Variants in AK9 observed in about 807,000 individuals in gnomAD.
AK9 encodes the protein adenylate kinase domain containing 1.
AK9 carries 191 observed loss-of-function variants against 239.6 expected under a neutral mutation model. The ratio of observed to expected loss-of-function variants is 0.80; its 90% confidence interval spans 0.71 to 0.90. AK9 has a LOEUF of 0.90. Among genes scored for constraint, AK9 ranks in the 40% least tolerant of loss-of-function variants. AK9 has a pLI of 0.00. For synonymous variants in AK9, 689 were observed against 721.0 expected (o/e 0.96, Z 0.71); for missense variants, 1,995 against 2,214.7 (o/e 0.90, Z 1.99).
At chr6:109,638,786 T>C (rs1436467711) in intron 10 of AK9, among the ~76,000 whole-genome samples, 1 of 152,234 alleles carries the variant, frequency 6.6e-6, no homozygotes, top group Non-Finnish European at 1.5e-5. Flanking sequence ...TTTCTCCTAA[T>C]GCTATCCCTC....
At chr6:109,590,834 G>C (rs1348485726) in intron 17 of AK9, among the ~76,000 whole-genome samples, 1 of 151,992 alleles carries the variant, frequency 6.6e-6, no homozygotes, top group African/African-American at 2.4e-5. Context: ...TGGCTTTGAG[G>C]GTGCCTTTTG....
intron 21 of AK9, among the ~76,000 whole-genome samples, chr6:109,568,230 G>C (rs139103429): frequency 2.4e-4 from 36 of 151,878 alleles, no homozygotes; most frequent in African/African-American, 8.2e-4. Context: ...ATTCAACAGC[G>C]CTTCATGCTA....
chr6:109,602,432 C>T (rs1295168418), intron 17 of AK9, among the ~76,000 whole-genome samples: 6 of 152,270 alleles, frequency 3.9e-5, no homozygotes, highest in South Asian at 4.1e-4. Flanking sequence ...AGAGTTTCTG[C>T]CGAGAGATCC....
At chr6:109,645,771 C>T (rs972089550) in intron 8 of AK9, among the ~76,000 whole-genome samples, 7 of 152,192 alleles carry the variant, frequency 4.6e-5, no homozygotes, top group Non-Finnish European at 7.3e-5. Flanking sequence ...GGGTCTCTGA[C>T]CCTTGAGTAG....
chr6:109,609,859 C>T (rs2128238310), intron 17 of AK9, among the ~76,000 whole-genome samples: 1 of 152,242 alleles, frequency 6.6e-6, no homozygotes, highest in East Asian at 1.9e-4. Flanking sequence ...AACAGTAGGC[C>T]TTCTGATCTG....
intron 26 of AK9, among the ~76,000 whole-genome samples, chr6:109,545,434 G>C (rs1242671218): frequency 6.6e-6 from 1 of 152,138 alleles, no homozygotes; most frequent in Admixed American, 6.5e-5. Flanking sequence ...TTGAATCATG[G>C]GGGCAGGCCT....
At chr6:109,615,084 G>A (rs1302008697) in intron 13 of AK9, among the ~76,000 whole-genome samples, 1 of 152,154 alleles carries the variant, frequency 6.6e-6, no homozygotes, top group Non-Finnish European at 1.5e-5. Flanking sequence ...AAACATTACA[G>A]ATCACTGTTC....
At chr6:109,553,427 A>G (rs1784592999) in intron 24 of AK9, among the ~76,000 whole-genome samples, 1 of 152,006 alleles carries the variant, frequency 6.6e-6, no homozygotes, top group African/African-American at 2.4e-5. Context: ...ATCCCTTGTT[A>G]GCTGTATTCC....
chr6:109,506,546 A>G lies in AK9; in HGVS notation c.4630T>C (p.Leu1544=). 3 of 1,575,184 alleles carry G rather than the reference A, an allele frequency of 1.9e-6. No individual in the cohort carries two copies. The highest frequency in any genetic ancestry group is 2.6e-6 in the Non-Finnish European group (3 of 1,157,208). Residue 1544 remains leucine (L), a splice_region_variant and synonymous_variant, in exon 35 of 41, where the codon TTG becomes CTG. Coordinates refer to ENST00000424296, the MANE Select transcript of AK9 (RefSeq NM_001145128.3). ...LLLEKENEQR[L]PYPLHNSAQI... ...GCACTATTGTGCAATGGATAAGGCA[A>G]TCTAATAGGGAAACAGAGAAGGAAT...
chr6:109,609,313 C>T (rs1793295754), intron 17 of AK9, among the ~76,000 whole-genome samples: 1 of 152,148 alleles, frequency 6.6e-6, no homozygotes, highest in African/African-American at 2.4e-5. Context: ...ATGGCTCTGA[C>T]CTTCATGGAA....
intron 1 of AK9, among the ~76,000 whole-genome samples, chr6:109,685,629 GTGA>G (rs1773398221): frequency 6.6e-6 from 1 of 152,000 alleles, no homozygotes; most frequent in Non-Finnish European, 1.5e-5. Flanking sequence ...CCTAACGTAG[GTGA>G]TGGGTTGATG....
chr6:109,552,238 G>A (rs1469618556), intron 24 of AK9, among the ~76,000 whole-genome samples: 1 of 152,096 alleles, frequency 6.6e-6, no homozygotes, highest in Non-Finnish European at 1.5e-5. Flanking sequence ...TGGGATTGCT[G>A]AGTCAACTGG....
chr6:109,520,723 CTT>C (rs982290180), intron 29 of AK9, among the ~76,000 whole-genome samples: 11 of 152,232 alleles, frequency 7.2e-5, no homozygotes, highest in African/African-American at 2.6e-4. Context: ...AATACTGATT[CTT>C]CCAGTCCATG....
In AK9 at chr6:109,632,837, C is replaced by T. The variant is rs1010371695; in HGVS notation, c.1254+86G>A. 3.0e-5 allele frequency: 42 copies of T among 1,410,852 alleles called. No individual in the cohort carries two copies. In the East Asian group the frequency reaches 3.1e-4, roughly 10 times the overall value. The allele number at this position is 1,410,852 out of a possible 1,614,324, so 87.4% of individuals were successfully genotyped here. A position where few individuals can be genotyped will look rare whatever the true frequency, so the allele number is the denominator to read the frequency against. ...CAAATAAAATCCTACAAATTATAAT[C>T]GAGTATAGATACATGACAGATAGAC... is the stretch of plus-strand genomic sequence containing the variant. On this transcript the variant is annotated intron_variant, in intron 12 of 40. Coordinates refer to ENST00000424296, the MANE Select transcript of AK9 (RefSeq NM_001145128.3).
At chr6:109,680,552 C>T (rs1217249077) in intron 1 of AK9, among the ~76,000 whole-genome samples, 2 of 152,156 alleles carry the variant, frequency 1.3e-5, no homozygotes, top group East Asian at 3.9e-4. Flanking sequence ...TCCAGGATAA[C>T]TTCCCCAACC....
At chr6:109,511,393 CTTTA>C (rs1295854706) in intron 32 of AK9, among the ~76,000 whole-genome samples, 2 of 152,062 alleles carry the variant, frequency 1.3e-5, no homozygotes, top group Non-Finnish European at 2.9e-5. Context: ...TCTTCTGTGA[CTTTA>C]TTTGATATTT....
chr6:109,497,415 T>G (rs2115403135), intron 38 of AK9, 50 bp downstream of exon 38: 1 of 1,205,204 alleles, frequency 8.3e-7, no homozygotes. Context: ...TCCCAGCATG[T>G]TGCATGCAAC....
chr6:109,556,710 A>G (rs1444681829), intron 24 of AK9, among the ~76,000 whole-genome samples: 1 of 151,706 alleles, frequency 6.6e-6, no homozygotes, highest in East Asian at 1.9e-4. Context: ...ATTCATTTTC[A>G]TTCTTTTTTC....
intron 17 of AK9, among the ~76,000 whole-genome samples, chr6:109,607,535 G>C (rs1401343459): frequency 1.3e-5 from 2 of 152,112 alleles, no homozygotes; most frequent in African/African-American, 4.8e-5. Flanking sequence ...GATGTGCATA[G>C]GTTATATGCA....
Sources: gnomAD v4.1 joint callset for allele counts (sites outside exome capture counted in the v4.1 genomes callset) on GRCh38, gnomAD v4.1.1 for gene constraint, MANE v1.5 for transcripts, NCBI Gene and HGNC (gene_info 2026-07-23, HGNC 2026-07-21) for gene names.